Variants in CCBE1 observed in about 807,000 individuals in gnomAD.
CCBE1 encodes collagen and calcium-binding EGF domain-containing protein 1.
CCBE1 carries 37 observed loss-of-function variants against 50.0 expected under a neutral mutation model. That is an observed-to-expected ratio of 0.74 (90% CI 0.57 to 0.97). The LOEUF (loss-of-function observed/expected upper bound fraction) is 0.97, where lower values mean the gene tolerates loss of function less well. Ranked by LOEUF, CCBE1 falls within the 50% of genes least tolerant of loss-of-function variation. The pLI is 0.00. For synonymous variants in CCBE1, 234 were observed against 203.7 expected, an observed-to-expected ratio of 1.15 and a Z score of -1.27; for missense variants, 538 against 523.8, an observed-to-expected ratio of 1.03 and a Z score of -0.26.
chr18:59,687,838 A>G (rs1214225803), intron 2 of CCBE1, among the ~76,000 whole-genome samples: 3 of 152,122 alleles, frequency 2.0e-5, no homozygotes, highest in Non-Finnish European at 4.4e-5. Context: ...GCACATGCTT[A>G]TAGTCCCAGC....
chr18:59,544,985 T>C (rs1434922787), intron 2 of CCBE1, among the ~76,000 whole-genome samples: 1 of 152,230 alleles, frequency 6.6e-6, no homozygotes, highest in Non-Finnish European at 1.5e-5. Context: ...TGAAGCTTTA[T>C]GTTAATACAA....
intron 2 of CCBE1, among the ~76,000 whole-genome samples, chr18:59,494,619 T>G (rs1913261820): frequency 6.6e-6 from 1 of 152,096 alleles, no homozygotes; most frequent in African/African-American, 2.4e-5. Context: ...GACTAGAGAT[T>G]TATTTTTGTA....
rs370319850 is a variant in CCBE1 at position 59,570,817 on chromosome 18, A to G, written c.213-90579T>C. ...AGGAATCAGAGCAGAATCCCAGCAC[A>G]CTGGCTCCAGGAGAGCCGGACGTCC... On this transcript the variant is annotated intron_variant, in intron 2 of 10. Coordinates refer to ENST00000439986, the MANE Select transcript of CCBE1 (RefSeq NM_133459.4). Among the ~76,000 whole-genome samples the G allele has an allele frequency of 1.5e-3, 229 of 152,328 alleles. 2 individuals are homozygous for G. The highest frequency in any genetic ancestry group is 5.2e-3 in the African/African-American group (215 of 41,568).
chr18:59,521,817 C>G (rs749629497), intron 2 of CCBE1, among the ~76,000 whole-genome samples: 21 of 152,176 alleles, frequency 1.4e-4, no homozygotes, highest in Middle Eastern at 3.4e-3. Flanking sequence ...ACTTGGTGGA[C>G]ATCGACAAAA....
At chr18:59,540,597 ATTTTC>A (rs1337647524) in intron 2 of CCBE1, among the ~76,000 whole-genome samples, 1 of 152,028 alleles carries the variant, frequency 6.6e-6, no homozygotes, top group Non-Finnish European at 1.5e-5. Context: ...CTCCCCACTG[ATTTTC>A]TTAACATGGC....
intron 5 of CCBE1, 55 bp from the exon 6 acceptor site, chr18:59,455,006 C>G (rs1568148021): frequency 7.9e-6 from 11 of 1,390,350 alleles, no homozygotes; most frequent in Non-Finnish European, 1.0e-5. Context: ...AAGCCAGACC[C>G]AGAGAGACAG....
At chr18:59,542,737 A>C (rs1030818942) in intron 2 of CCBE1, among the ~76,000 whole-genome samples, 2 of 152,170 alleles carry the variant, frequency 1.3e-5, no homozygotes, top group African/African-American at 4.8e-5. Context: ...ATGCCTCTGA[A>C]GTGCCATTTC....
intron 2 of CCBE1, among the ~76,000 whole-genome samples, chr18:59,675,063 C>T (rs929023494): frequency 6.6e-6 from 1 of 152,042 alleles, no homozygotes; most frequent in African/African-American, 2.4e-5. Context: ...TAAGGCACAA[C>T]ATTGAAACAG....
chr18:59,502,300 T>C (rs1913658588), intron 2 of CCBE1, among the ~76,000 whole-genome samples: 1 of 152,238 alleles, frequency 6.6e-6, no homozygotes, highest in Non-Finnish European at 1.5e-5. Context: ...ACCCTCGCCT[T>C]GAAACCTAAA....
chr18:59,589,352 T>TTAC (rs2053225566), intron 2 of CCBE1, among the ~76,000 whole-genome samples: 1 of 152,220 alleles, frequency 6.6e-6, no homozygotes, highest in Non-Finnish European at 1.5e-5. Flanking sequence ...CCATATGGTT[T>TTAC]TACTGAGTAT....
At chr18:59,475,707 A>C (rs764741856) in intron 3 of CCBE1, among the ~76,000 whole-genome samples, 22 of 150,558 alleles carry the variant, frequency 1.5e-4, no homozygotes, top group African/African-American at 4.9e-4. Context: ...ATGCTCTGCT[A>C]TATTTATTTA....
intron 2 of CCBE1, among the ~76,000 whole-genome samples, chr18:59,692,956 G>GCACACACACA (rs59496597): frequency 2.0e-4 from 17 of 86,968 alleles, no homozygotes; most frequent in African/African-American, 7.4e-4. Flanking sequence ...TCAAGCCAAA[G>GCACACACACA]CACACACACA....
chr18:59,599,498 C>G (rs1329032242), intron 2 of CCBE1, among the ~76,000 whole-genome samples: 3 of 152,146 alleles, frequency 2.0e-5, no homozygotes, highest in Non-Finnish European at 4.4e-5. Context: ...TTTCCTTAAT[C>G]CTCATCACCA....
At chr18:59,605,928 C>G (rs139928636) in intron 2 of CCBE1, among the ~76,000 whole-genome samples, 1 of 152,314 alleles carries the variant, frequency 6.6e-6, no homozygotes, top group Non-Finnish European at 1.5e-5. Context: ...AATGCCTGAG[C>G]TAGGCCTCAG....
chr18:59,602,640 A>T (rs2053448396), intron 2 of CCBE1, among the ~76,000 whole-genome samples: 1 of 152,212 alleles, frequency 6.6e-6, no homozygotes, highest in South Asian at 2.1e-4. Context: ...GAGCTGGAAA[A>T]AATCTTAAGA....
intron 7 of CCBE1, among the ~76,000 whole-genome samples, chr18:59,444,233 G>A (rs538464833): frequency 1.4e-4 from 22 of 152,220 alleles, no homozygotes; most frequent in African/African-American, 4.6e-4. Flanking sequence ...AGATGCGTGT[G>A]TGAGTATCTC....
intron 2 of CCBE1, among the ~76,000 whole-genome samples, chr18:59,597,871 C>G (rs551009376): frequency 2.6e-5 from 4 of 152,088 alleles, no homozygotes; most frequent in Non-Finnish European, 5.9e-5. Flanking sequence ...CTGAGAGTTT[C>G]CAAAATATTT....
rs1212132095 is a variant in CCBE1 at position 59,591,105 on chromosome 18, G to A, written c.212+105524C>T. On this transcript the variant is annotated intron_variant, in intron 2 of 10. Coordinates refer to ENST00000439986, the MANE Select transcript of CCBE1 (RefSeq NM_133459.4). Reference sequence around the variant, plus strand: ...TAAAAATACAAAAAAAATTAGCCGGGCGTGATGGTGGGCGCCTGTAGTCCC... The same window carrying A: ...TAAAAATACAAAAAAAATTAGCCGGACGTGATGGTGGGCGCCTGTAGTCCC... 2.3e-5 allele frequency among the ~76,000 whole-genome samples: 2 copies of A among 88,686 alleles called. 1 individual carries two copies. The highest frequency in any genetic ancestry group is 4.0e-5 in the Non-Finnish European group (2 of 49,978). 58.2% of individuals were successfully genotyped at this position (88,686 alleles called of 152,430 possible).
intron 2 of CCBE1, among the ~76,000 whole-genome samples, chr18:59,662,398 G>C (rs1407259921): frequency 6.6e-6 from 1 of 152,150 alleles, no homozygotes; most frequent in East Asian, 1.9e-4. Flanking sequence ...TATATTACAA[G>C]GTGGATTACA....
Sources: gnomAD v4.1 joint callset for allele counts (sites outside exome capture counted in the v4.1 genomes callset) on GRCh38, gnomAD v4.1.1 for gene constraint, MANE v1.5 for transcripts, NCBI Gene and HGNC (gene_info 2026-07-23, HGNC 2026-07-21) for gene names.